BAHCC1: variants seen among roughly 807,000 people sequenced by gnomAD.
The protein encoded by BAHCC1 is BAH and coiled-coil domain-containing protein 1.
Under a neutral mutation model 88.2 loss-of-function variants are expected in BAHCC1, and 43 were observed. That is an observed-to-expected ratio of 0.49 (90% CI 0.38 to 0.63). BAHCC1 has a LOEUF of 0.63. Among genes scored for constraint, BAHCC1 ranks in the 20% least tolerant of loss-of-function variants. The pLI is 0.00. For synonymous variants in BAHCC1, 1,510 were observed against 745.5 expected (o/e 2.03, Z -16.71); for missense variants, 3,023 against 1,654.8 (o/e 1.83, Z -14.34).
intron 2 of BAHCC1, among the ~76,000 whole-genome samples, chr17:81,406,594 C>T (rs141526407): frequency 0.012 from 1,840 of 152,372 alleles, 17 homozygotes; most frequent in Middle Eastern, 0.034. Context: ...GGGCTCCGCC[C>T]GCTGACGTTT....
chr17:81,448,572 G>T (rs958385050), intron 11 of BAHCC1, among the ~76,000 whole-genome samples: 1 of 152,222 alleles, frequency 6.6e-6, no homozygotes, highest in Non-Finnish European at 1.5e-5. Flanking sequence ...CCCCAGCCGG[G>T]CACGGCGCCG....
chr17:81,458,276 C>G lies in BAHCC1; in HGVS notation c.5153C>G (p.Ala1718Gly). ...GCCCCAGGGCAGAGGCCCCCAGGTG[C>G]GCTGGGCAAGAAGAAAGCCAAGGGC... The part of the protein sequence containing the change: ...ERAPGQRPPG[A>G]LGKKKAKGKA... The change falls in exon 18 of 28, where the codon GCG (alanine) becomes GGG (glycine). Residue 1718 changes from alanine (A) to glycine (G), a missense_variant. Physicochemically the swap from Ala to Gly is moderately conservative, Grantham distance 60. Transcript: ENST00000675386. 1.3e-6 allele frequency: 1 copy of G among 747,860 alleles called. No homozygotes were observed. Among genetic ancestry groups the G allele is most frequent in the Non-Finnish European group, 2.5e-6 (1 of 403,032 alleles). The allele number at this position is 747,860 out of a possible 1,614,324, so 46.3% of individuals were successfully genotyped here. A position where few individuals can be genotyped will look rare whatever the true frequency, so the allele number is the denominator to read the frequency against.
chr17:81,409,881 G>A (rs1050726173), intron 2 of BAHCC1, among the ~76,000 whole-genome samples: 1 of 152,140 alleles, frequency 6.6e-6, no homozygotes, highest in African/African-American at 2.4e-5. Flanking sequence ...TTCACATTGT[G>A]GGTTTTGCCT....
Position 81,457,278 on chromosome 17 carries a change from G to A in BAHCC1, c.4859-132G>A, listed in dbSNP as rs754640808. On this transcript the variant is annotated intron_variant, in intron 16 of 27. Transcript: ENST00000675386. ...TGCCCCCAAAGCAGCCCCACAGAGCGGCCCAGAGGGTGACGGTGACCAGCT... is the reference window on the plus strand; with the variant it reads ...TGCCCCCAAAGCAGCCCCACAGAGCAGCCCAGAGGGTGACGGTGACCAGCT... 2.3e-4 allele frequency: 143 copies of A among 625,570 alleles called. No individual in the cohort carries two copies. The Middle Eastern group carries it at 3.1e-3, about 14-fold the overall frequency. 38.8% of individuals were successfully genotyped at this position (625,570 alleles called of 1,614,324 possible).
chr17:81,453,654 T>G (rs2064690844), intron 14 of BAHCC1, among the ~76,000 whole-genome samples: 1 of 151,850 alleles, frequency 6.6e-6, no homozygotes, highest in African/African-American at 2.4e-5. Flanking sequence ...TCCTGGGGTC[T>G]CCCTTTGAGA....
rs915330850 is a variant in BAHCC1 at position 81,399,976 on chromosome 17, C to T, written c.178+59C>T. 137 of 1,238,678 alleles carry T rather than the reference C, an allele frequency of 1.1e-4. No homozygotes were observed. The highest frequency in any genetic ancestry group is 1.3e-4 in the Non-Finnish European group (128 of 973,488). 76.7% of individuals were successfully genotyped at this position (1,238,678 alleles called of 1,614,324 possible). A position where few individuals can be genotyped will look rare whatever the true frequency, so the allele number is the denominator to read the frequency against. ...AGCGTTCGAGAGCGGAACAGGGCGCCCACCCCTCCGCTCCCGGGAGCAGAG... is the reference window on the plus strand; with the variant it reads ...AGCGTTCGAGAGCGGAACAGGGCGCTCACCCCTCCGCTCCCGGGAGCAGAG... On this transcript the variant is annotated intron_variant, in intron 2 of 27. Transcript: ENST00000675386. This position sits in a 1 kb window ranked among gnomAD's most constrained non-coding sequence, Gnocchi z 4.5.
intron 4 of BAHCC1, among the ~76,000 whole-genome samples, chr17:81,439,464 G>A (rs1447531043): frequency 2.0e-5 from 3 of 152,076 alleles, no homozygotes; most frequent in African/African-American, 4.8e-5. Context: ...AGCAGCAGTT[G>A]GACGGTGGGG....
chr17:81,412,507 C>T (rs2063966679), intron 2 of BAHCC1, among the ~76,000 whole-genome samples: 1 of 152,210 alleles, frequency 6.6e-6, no homozygotes, highest in South Asian at 2.1e-4. Context: ...TGGAGGGCCT[C>T]AGGTGGGAGG....
At chr17:81,425,762 GTGGTGATGTGGTTGGTGA>G (rs1555650382) in intron 2 of BAHCC1, among the ~76,000 whole-genome samples, 1 of 146,432 alleles carries the variant, frequency 6.8e-6, no homozygotes, top group African/African-American at 2.6e-5. Context: ...GATGTGGTTG[GTGGTGATGTGGTTGGTGA>G]TGATGTGGTT....
At chr17:81,420,718 TG>T (rs1555649489) in intron 2 of BAHCC1, among the ~76,000 whole-genome samples, 1 of 152,236 alleles carries the variant, frequency 6.6e-6, no homozygotes, top group African/African-American at 2.4e-5. Flanking sequence ...CTGGGCCGGC[TG>T]GGCAGTGGGG....
At chr17:81,398,555 A>G (rs2063769551) in intron 1 of BAHCC1, among the ~76,000 whole-genome samples, 1 of 152,164 alleles carries the variant, frequency 6.6e-6, no homozygotes, top group South Asian at 2.1e-4. Context: ...GAAGGAAGAA[A>G]TCCCAGGGCC....
intron 3 of BAHCC1, among the ~76,000 whole-genome samples, chr17:81,428,082 G>T (rs1396240413): frequency 6.6e-6 from 1 of 152,202 alleles, no homozygotes; most frequent in East Asian, 1.9e-4. Flanking sequence ...GGGTGCAGGG[G>T]AGGCCGCTAC....
In BAHCC1 at chr17:81,451,665, C is replaced by T. The variant is rs1361015395; in HGVS notation, c.3977-3C>T. On this transcript the variant is annotated splice_polypyrimidine_tract_variant and splice_region_variant and intron_variant, in intron 11 of 27. Coordinates refer to ENST00000675386, the MANE Select transcript of BAHCC1 (RefSeq NM_001377448.1). ...CCCATGCTGACCTTCCCATGCCGCACAGAGGAGGAAGAGGACGTGCTAGCC... is the reference window on the plus strand; with the variant it reads ...CCCATGCTGACCTTCCCATGCCGCATAGAGGAGGAAGAGGACGTGCTAGCC... 6.5e-6 allele frequency: 5 copies of T among 774,686 alleles called. No individual in the cohort carries two copies. Among genetic ancestry groups the T allele is most frequent in the African/African-American group, 5.1e-5 (3 of 59,152 alleles). The allele number at this position is 774,686 out of a possible 1,614,324, so 48.0% of individuals were successfully genotyped here.
intron 2 of BAHCC1, among the ~76,000 whole-genome samples, chr17:81,418,804 T>TAC (rs1487364297): frequency 3.2e-5 from 2 of 62,574 alleles, no homozygotes; most frequent in African/African-American, 1.2e-4. Flanking sequence ...TGCGTGTGTG[T>TAC]GTGTACGTGT....
rs1555651637 is a variant in BAHCC1, at chr17:81,435,720, C to T, written c.359-2650C>T. Among the ~76,000 whole-genome samples, 1 of 151,978 alleles carries T rather than the reference C, an allele frequency of 6.6e-6. No individual in the cohort carries two copies. Among genetic ancestry groups the T allele is most frequent in the East Asian group, 1.9e-4 (1 of 5,164 alleles). ...GGGGCCTCTACTGTCCCCCTGGAGC[C>T]CTCCCCAGGACCACCACCCCCACTC... On this transcript the variant is annotated intron_variant, in intron 3 of 27. Coordinates refer to ENST00000675386, the MANE Select transcript of BAHCC1 (RefSeq NM_001377448.1). This position sits in a 1 kb window ranked among gnomAD's most constrained non-coding sequence, Gnocchi z 4.4.
intron 1 of BAHCC1, chr17:81,396,322 C>A (rs1430577177): frequency 6.6e-6 from 1 of 152,120 alleles, no homozygotes; most frequent in African/African-American, 2.4e-5. Context: ...AGGAGGGGGA[C>A]CGAGCAAGGC....
Position 81,399,722 on chromosome 17 carries a change from C to T in BAHCC1, c.-18C>T, listed in dbSNP as rs1315342371. The T allele has an allele frequency of 6.6e-6, 7 of 1,053,890 alleles. No homozygotes were observed. Among genetic ancestry groups the T allele is most frequent in the Non-Finnish European group, 8.0e-6 (7 of 876,914 alleles). The allele number at this position is 1,053,890 out of a possible 1,614,324, so 65.3% of individuals were successfully genotyped here. A position where few individuals can be genotyped will look rare whatever the true frequency, so the allele number is the denominator to read the frequency against. ...GCTGCTCCGAGGAAGCGGCGGCGGA[C>T]CGGGGCCGGGGCCCGGCATGGATGG... On this transcript the variant is annotated 5_prime_UTR_variant, in exon 2 of 28. Transcript: ENST00000675386. This position sits in a 1 kb window ranked among gnomAD's most constrained non-coding sequence, Gnocchi z 4.5.
chr17:81,399,506 C>T lies in BAHCC1; in HGVS notation c.-206-28C>T, dbSNP rs1293171440. On this transcript the variant is annotated intron_variant, in intron 1 of 27. Coordinates refer to ENST00000675386, the MANE Select transcript of BAHCC1 (RefSeq NM_001377448.1). The surrounding 1 kb of genome is among the most constrained non-coding windows in gnomAD (Gnocchi z 4.5). ...GGGCGAGCCGAGCCCCCCAGTCACC[C>T]GTGTCTCCTCTGCTTTTGCCTCCAC... 3 of 309,750 alleles carry T rather than the reference C, an allele frequency of 9.7e-6. No homozygotes were observed. Among genetic ancestry groups the T allele is most frequent in the South Asian group, 2.4e-5 (1 of 42,450 alleles). The allele number at this position is 309,750 out of a possible 1,614,324, so 19.2% of individuals were successfully genotyped here.
chr17:81,461,961 G>A lies in BAHCC1; in HGVS notation c.7298G>A (p.Arg2433Gln), dbSNP rs569780084. The A allele has an allele frequency of 1.2e-5, 9 of 771,820 alleles. No homozygotes were observed. The highest frequency in any genetic ancestry group is 3.4e-5 in the African/African-American group (2 of 59,106). 47.8% of individuals were successfully genotyped at this position (771,820 alleles called of 1,614,324 possible). The change falls in exon 26 of 28, where the codon CGG becomes CAG. Residue 2433 changes from arginine (R) to glutamine (Q), a missense_variant. Physicochemically the swap from Arg to Gln is conservative, Grantham distance 43. Transcript: ENST00000675386. ...SKAKELSRRQ[R>Q]PPSVENRPKI... Reference sequence around the variant, plus strand: ...GCCAAAGAGCTCTCCCGGAGGCAGCGGCCGCCCTCCGTGGAAAACCGGCCA... The same window carrying A: ...GCCAAAGAGCTCTCCCGGAGGCAGCAGCCGCCCTCCGTGGAAAACCGGCCA...
Sources: allele counts gnomAD v4.1 joint callset (sites outside exome capture counted in the v4.1 genomes callset), GRCh38; gene constraint gnomAD v4.1.1; non-coding constraint Gnocchi (gnomAD v3.1); transcripts MANE v1.5; gene names NCBI Gene and HGNC (gene_info 2026-07-23, HGNC 2026-07-21).